The following MALRD1 variants were observed in gnomAD, a reference collection of about 807,000 sequenced individuals.
MALRD1 encodes the protein MAM and LDL-receptor class A domain-containing protein 1.
Under a neutral mutation model 242.1 loss-of-function variants are expected in MALRD1, and 247 were observed. The ratio of observed to expected loss-of-function variants is 1.02; its 90% CI spans 0.92 to 1.13. The LOEUF is 1.13. MALRD1 is among the 50% of genes most tolerant of loss of function. The pLI, the probability that MALRD1 is intolerant of heterozygous loss-of-function variation, is 0.00. For synonymous variants in MALRD1, 995 were observed against 866.6 expected (o/e 1.15, Z -2.60); for missense variants, 2,989 against 2,533.1 (o/e 1.18, Z -3.86).
intron 28 of MALRD1, among the ~76,000 whole-genome samples, chr10:19,408,360 C>T (rs571853216): frequency 2.6e-5 from 4 of 152,102 alleles, no homozygotes; most frequent in African/African-American, 9.7e-5. Flanking sequence ...AGTTTCAACA[C>T]AAAAGGAGAG....
At chr10:19,376,544 T>A (rs977676990) in intron 26 of MALRD1, among the ~76,000 whole-genome samples, 10,314 of 87,460 alleles carry the variant, frequency 0.12, 1,411 homozygotes, top group Non-Finnish European at 0.14. Context: ...GATACATTCT[T>A]TTTTTTTTTT....
chr10:19,100,853 C>T lies in MALRD1; in HGVS notation c.598-3126C>T, dbSNP rs576814069. 3.9e-5 allele frequency among the ~76,000 whole-genome samples: 6 copies of T among 152,080 alleles called. No individual in the cohort carries two copies. In the East Asian group the frequency reaches 9.7e-4, roughly 25 times the overall value. ...AGACATGTGATATAGTTAACACTTA[C>T]TTCTACTTCTTTTTTAAACTATGGT... On this transcript the variant is annotated intron_variant, in intron 4 of 39. Coordinates refer to ENST00000454679, the MANE Select transcript of MALRD1 (RefSeq NM_001142308.3).
chr10:19,079,736 T>A (rs1835424630), intron 2 of MALRD1, among the ~76,000 whole-genome samples: 1 of 151,948 alleles, frequency 6.6e-6, no homozygotes, highest in Admixed American at 6.6e-5. Context: ...AATGCCCTGC[T>A]TTGTCTCCAA....
intron 12 of MALRD1, among the ~76,000 whole-genome samples, chr10:19,158,282 G>A (rs950521061): frequency 2.6e-5 from 4 of 152,170 alleles, no homozygotes; most frequent in Non-Finnish European, 5.9e-5. Context: ...TGAAGCTTTT[G>A]CTTTCAAAGT....
chr10:19,624,083 C>T (rs1215668856), intron 36 of MALRD1, among the ~76,000 whole-genome samples: 1 of 152,102 alleles, frequency 6.6e-6, no homozygotes, highest in Non-Finnish European at 1.5e-5. Flanking sequence ...TGGTGTAATT[C>T]TCATGGAGGT....
In MALRD1 at chr10:19,531,173, AT is replaced by A; in HGVS notation, c.5321-17del. On this transcript the variant is annotated intron_variant, in intron 31 of 39. Transcript: ENST00000454679. Reference sequence around the variant, plus strand: ...CGATATTATCATTACACTGAAAAAAATTTTGTTAATCTATTTCAAGGTAGTG... The same window carrying A: ...CGATATTATCATTACACTGAAAAAAATTTGTTAATCTATTTCAAGGTAGTG... 1 of 1,532,910 alleles carries A rather than the reference AT, an allele frequency of 6.5e-7. No individual in the cohort carries two copies. The highest frequency in any genetic ancestry group is 8.8e-7 in the Non-Finnish European group (1 of 1,135,718). 95.0% of individuals were successfully genotyped at this position (1,532,910 alleles called of 1,614,324 possible). A position where few individuals can be genotyped will look rare whatever the true frequency, so the allele number is the denominator to read the frequency against.
intron 32 of MALRD1, among the ~76,000 whole-genome samples, chr10:19,551,336 A>G (rs1835460845): frequency 6.6e-6 from 1 of 151,982 alleles, no homozygotes; most frequent in African/African-American, 2.4e-5. Flanking sequence ...TGTTCACTGT[A>G]TTCCTAGATA....
rs1383282193 is a variant in MALRD1 at position 19,255,061 on chromosome 10, C to A, written c.2992-2623C>A. Among the ~76,000 whole-genome samples, 4 of 151,988 alleles carry A rather than the reference C, an allele frequency of 2.6e-5. No individual in the cohort carries two copies. In the East Asian group the frequency reaches 7.7e-4, roughly 29 times the overall value. Reference sequence around the variant, plus strand: ...AAGCCTCAAAGTTCCAACGTGGTTACCAAGGCCAGTCTGTCTTTACGTGGA... The same window carrying A: ...AAGCCTCAAAGTTCCAACGTGGTTAACAAGGCCAGTCTGTCTTTACGTGGA... On this transcript the variant is annotated intron_variant, in intron 18 of 39. Coordinates refer to ENST00000454679, the MANE Select transcript of MALRD1 (RefSeq NM_001142308.3).
intron 24 of MALRD1, 140 bp downstream of exon 24, chr10:19,331,722 C>T: frequency 1.5e-6 from 1 of 656,148 alleles, no homozygotes; most frequent in Non-Finnish European, 2.6e-6. Flanking sequence ...TTGACACATT[C>T]CCTCCTTTCT....
Position 19,136,665 on chromosome 10 carries a change from A to AG in MALRD1, c.1296dup (p.Leu433AlafsTer11). ...GCCTGTGGACAGACCCAATCCAGAA[A>AG]GCTTTGCTCTGCAGACGAATTCCCT... On this transcript the variant is annotated frameshift_variant, in exon 10 of 40. Transcript: ENST00000454679. LOFTEE classifies it high-confidence loss of function. 1 of 1,231,710 alleles carries AG rather than the reference A, an allele frequency of 8.1e-7. No homozygotes were observed. The highest frequency in any genetic ancestry group is 1.0e-6 in the Non-Finnish European group (1 of 987,978). The allele number at this position is 1,231,710 out of a possible 1,614,324, so 76.3% of individuals were successfully genotyped here.
At chr10:19,676,067 T>A (rs560672175) in intron 36 of MALRD1, among the ~76,000 whole-genome samples, 1 of 152,218 alleles carries the variant, frequency 6.6e-6, no homozygotes, top group African/African-American at 2.4e-5. Flanking sequence ...GCCCTTGAAG[T>A]ATGAGAGTAT....
At chr10:19,531,046 T>C (rs761986257) in intron 31 of MALRD1, 148 bp from the exon 32 acceptor site, 2 of 614,386 alleles carry the variant, frequency 3.3e-6, no homozygotes, top group Non-Finnish European at 5.2e-6. Context: ...TGAAATGTTA[T>C]TGATATATGA....
Position 19,667,539 on chromosome 10 carries a change from A to G in MALRD1, c.6138-24743A>G, listed in dbSNP as rs553166096. Among the ~76,000 whole-genome samples the G allele has an allele frequency of 3.8e-4, 58 of 152,178 alleles. 1 individual carries two copies. In the South Asian group the frequency reaches 0.012, roughly 31 times the overall value. On this transcript the variant is annotated intron_variant, in intron 36 of 39. Coordinates refer to ENST00000454679, the MANE Select transcript of MALRD1 (RefSeq NM_001142308.3). ...CTTTGTGGCTTGGTGCTGTCTTCACAATAGTGAGTTCTCATGAGAGTTGGT... is the reference window on the plus strand; with the variant it reads ...CTTTGTGGCTTGGTGCTGTCTTCACGATAGTGAGTTCTCATGAGAGTTGGT...
intron 28 of MALRD1, among the ~76,000 whole-genome samples, chr10:19,394,415 A>C (rs897434770): frequency 2.0e-5 from 3 of 152,144 alleles, no homozygotes; most frequent in Admixed American, 1.3e-4. Context: ...TTATCTAACA[A>C]TTTTGCTATG....
intron 36 of MALRD1, among the ~76,000 whole-genome samples, chr10:19,666,797 C>G (rs1024372766): frequency 5.3e-5 from 8 of 151,888 alleles, no homozygotes; most frequent in African/African-American, 1.7e-4. Context: ...AAAACAATAT[C>G]AAAAAAGAAT....
intron 34 of MALRD1, among the ~76,000 whole-genome samples, chr10:19,596,777 AAGAG>A (rs1053842872): frequency 2.6e-5 from 4 of 151,214 alleles, no homozygotes; most frequent in Non-Finnish European, 4.4e-5. Context: ...GAAAGAGAGA[AAGAG>A]AGAAGGAAGG....
chr10:19,380,330 T>G (rs144184763), intron 26 of MALRD1, among the ~76,000 whole-genome samples: 1,762 of 151,816 alleles, frequency 0.012, 19 homozygotes, highest in South Asian at 0.018. Context: ...ATGGTCCTCT[T>G]TGTTCTTGGA....
chr10:19,129,539 A>G (rs1364219633), intron 8 of MALRD1, among the ~76,000 whole-genome samples: 1 of 151,864 alleles, frequency 6.6e-6, no homozygotes, highest in Admixed American at 6.6e-5. Context: ...TTATTAGCTC[A>G]ATCTCCAGCC....
intron 32 of MALRD1, among the ~76,000 whole-genome samples, chr10:19,555,205 A>T (rs1271277967): frequency 6.6e-6 from 1 of 152,118 alleles, no homozygotes; most frequent in Non-Finnish European, 1.5e-5. Flanking sequence ...CTTATTACTC[A>T]GAAGAGGGTA....
Sources: allele counts gnomAD v4.1 joint callset (sites outside exome capture counted in the v4.1 genomes callset), GRCh38; gene constraint gnomAD v4.1.1; transcripts MANE v1.5; gene names NCBI Gene and HGNC (gene_info 2026-07-23, HGNC 2026-07-21).